Variants in YME1L1 observed in about 807,000 individuals in gnomAD.
YME1L1 encodes ATP-dependent zinc metalloprotease YME1L1.
Under a neutral mutation model 90.4 loss-of-function variants are expected in YME1L1, and 39 were observed. The ratio of observed to expected loss-of-function variants is 0.43; its 90% CI spans 0.33 to 0.56. The LOEUF (loss-of-function observed/expected upper bound fraction) is 0.56. Ranked by LOEUF, YME1L1 falls within the 20% of genes least tolerant of loss-of-function variation. The probability of loss-of-function intolerance (pLI) is 0.03; values close to 1 mark genes in which losing one functional copy is unlikely to be tolerated. For missense variants in YME1L1, 617 were observed against 868.4 expected (o/e 0.71, Z 3.64); for synonymous variants, 284 against 287.3 (o/e 0.99, Z 0.12).
intron 9 of YME1L1, among the ~76,000 whole-genome samples, chr10:27,125,441 G>C (rs930972080): frequency 3.0e-5 from 2 of 66,784 alleles, no homozygotes; most frequent in Non-Finnish European, 5.4e-5. Context: ...CTAAGGAATT[G>C]TTTCATTGTT....
At chr10:27,130,105 T>G (rs1159447628) in intron 8 of YME1L1, among the ~76,000 whole-genome samples, 1 of 152,214 alleles carries the variant, frequency 6.6e-6, no homozygotes, top group East Asian at 1.9e-4. Context: ...CCACTAACAT[T>G]GCTCTTTATC....
At chr10:27,114,854 C>T (rs1422064114) in intron 17 of YME1L1, among the ~76,000 whole-genome samples, 2 of 151,994 alleles carry the variant, frequency 1.3e-5, no homozygotes, top group African/African-American at 4.8e-5. Flanking sequence ...CGGAGAAACG[C>T]CATTTCTTCT....
chr10:27,149,362 T>C (rs1452747660), intron 1 of YME1L1, among the ~76,000 whole-genome samples: 1 of 152,038 alleles, frequency 6.6e-6, no homozygotes, highest in Non-Finnish European at 1.5e-5. Flanking sequence ...CATCGAAACA[T>C]TTAAAAAATA....
Position 27,123,537 on chromosome 10 carries a change from CA to C in YME1L1, c.1102+9del, listed in dbSNP as rs749240227. On this transcript the variant is annotated intron_variant, in intron 10 of 18. Coordinates refer to ENST00000376016, the MANE Select transcript of YME1L1 (RefSeq NM_014263.4). Reference sequence around the variant, plus strand: ...ATTTAGCACTGCATCAAAGATACACCAAAACGTACTAAAAAGATTTCTGATA... The same window carrying C: ...ATTTAGCACTGCATCAAAGATACACCAAACGTACTAAAAAGATTTCTGATA... 4 of 1,612,920 alleles carry C rather than the reference CA, an allele frequency of 2.5e-6. No individual in the cohort carries two copies. The African/African-American group carries it at 5.3e-5, about 22-fold the overall frequency.
chr10:27,149,456 C>T (rs1473410232), intron 1 of YME1L1, among the ~76,000 whole-genome samples: 3 of 151,868 alleles, frequency 2.0e-5, no homozygotes, highest in Middle Eastern at 3.2e-3. Context: ...ACGCCTGTAA[C>T]CCCAGCACTT....
intron 3 of YME1L1, among the ~76,000 whole-genome samples, chr10:27,144,680 G>A (rs998404920): frequency 1.3e-5 from 2 of 152,116 alleles, no homozygotes; most frequent in Non-Finnish European, 2.9e-5. Flanking sequence ...GGAATTAAAT[G>A]TGTGTCACCT....
chr10:27,113,888 AG>A (rs1324117141), intron 18 of YME1L1, among the ~76,000 whole-genome samples: 2 of 151,032 alleles, frequency 1.3e-5, no homozygotes, highest in African/African-American at 2.4e-5. Flanking sequence ...CTTATTTCTT[AG>A]GTTGCAGTGA....
Position 27,116,085 on chromosome 10 carries a change from A to C in YME1L1, c.1895T>G (p.Val632Gly). Residue 632 changes from valine to glycine, a missense_variant, in exon 17 of 19, where the codon GTT becomes GGT. This residue lies in a region of YME1L1 where 212 missense variants were observed against 330.0 expected (regional missense o/e 0.64). Coordinates refer to ENST00000376016, the MANE Select transcript of YME1L1 (RefSeq NM_014263.4). ...CTTTTCACTCATTCCAAATTTGGTA[A>C]CCATCCGCTTTGCTATTTTAGTGGC... Reference protein sequence around the residue: ...DNATKIAKRMVTKFGMSEKLG... With the variant: ...DNATKIAKRMGTKFGMSEKLG... The C allele has an allele frequency of 6.2e-7, 1 of 1,613,840 alleles. No homozygotes were observed. Among genetic ancestry groups the C allele is most frequent in the Non-Finnish European group, 8.5e-7 (1 of 1,179,960 alleles).
intron 2 of YME1L1, chr10:27,147,518 G>C (rs753883220): frequency 6.2e-7 from 1 of 1,608,850 alleles, no homozygotes; most frequent in South Asian, 1.1e-5. Context: ...AGGGAGAAGG[G>C]TTCTGGACGG....
intron 3 of YME1L1, among the ~76,000 whole-genome samples, chr10:27,144,007 A>G (rs1207242978): frequency 6.6e-6 from 1 of 152,162 alleles, no homozygotes; most frequent in African/African-American, 2.4e-5. Flanking sequence ...AGCAGAAACA[A>G]ACAGTGGCTA....
In YME1L1 at chr10:27,145,579, G is replaced by A. The variant is rs1210487720; in HGVS notation, c.180C>T (p.Asn60=). The A allele has an allele frequency of 3.7e-6, 6 of 1,612,416 alleles. No individual in the cohort carries two copies. Among genetic ancestry groups the A allele is most frequent in the East Asian group, 2.2e-5 (1 of 44,758 alleles). The change falls in exon 3 of 19, where the codon AAC becomes AAT. Residue 60 remains asparagine, a synonymous_variant. Transcript: ENST00000376016. ...HEAPSSEPSL[N]LRDLGLSELK... ...GTTCAGATAATCCAAGGTCCCTTAAGTTAAGTGAAGGCTGTAAAAGATTGG... is the reference window on the plus strand; with the variant it reads ...GTTCAGATAATCCAAGGTCCCTTAAATTAAGTGAAGGCTGTAAAAGATTGG...
chr10:27,129,706 GA>G (rs988542893), intron 8 of YME1L1, among the ~76,000 whole-genome samples: 82 of 132,188 alleles, frequency 6.2e-4, no homozygotes, highest in African/African-American at 2.4e-3. Context: ...TTCACATTTG[GA>G]AAAGATAAAA....
At chr10:27,145,064 C>A (rs12772181) in intron 3 of YME1L1, among the ~76,000 whole-genome samples, 1 of 152,060 alleles carries the variant, frequency 6.6e-6, no homozygotes, top group African/African-American at 2.4e-5. Flanking sequence ...TGGTGTGAAC[C>A]CGGGAGGCGG....
At chr10:27,114,436 G>T in intron 18 of YME1L1, 85 bp downstream of exon 18, 1 of 948,384 alleles carries the variant, frequency 1.1e-6, no homozygotes, top group Admixed American at 2.6e-5. Context: ...GTGAACAGAG[G>T]GCCTTCAGCT....
chr10:27,144,855 A>G (rs1222531046), intron 3 of YME1L1, among the ~76,000 whole-genome samples: 1 of 152,194 alleles, frequency 6.6e-6, no homozygotes, highest in Non-Finnish European at 1.5e-5. Context: ...TAAGGTACCA[A>G]TGTTAGGCCT....
At chr10:27,149,711 CAAAAAA>C (rs58900380) in intron 1 of YME1L1, among the ~76,000 whole-genome samples, 5,947 of 32,540 alleles carry the variant, frequency 0.18, 262 homozygotes, top group Admixed American at 0.28. Context: ...ACCTGTCTCT[CAAAAAA>C]AAAAAAAAAA....
chr10:27,126,798 C>T lies in YME1L1; in HGVS notation c.859-12G>A. 1 of 1,507,614 alleles carries T rather than the reference C, an allele frequency of 6.6e-7. No homozygotes were observed. The highest frequency in any genetic ancestry group is 9.0e-7 in the Non-Finnish European group (1 of 1,107,760). The allele number at this position is 1,507,614 out of a possible 1,614,324, so 93.4% of individuals were successfully genotyped here. ...TTAGCTTCCTCCACCTAAAGTGACA[C>T]AATTTTCCAAATAACTTTAGATAAT... On this transcript the variant is annotated splice_polypyrimidine_tract_variant and intron_variant, in intron 8 of 18. Transcript: ENST00000376016.
At chr10:27,139,922 T>C (rs1204839776) in intron 4 of YME1L1, among the ~76,000 whole-genome samples, 2 of 152,240 alleles carry the variant, frequency 1.3e-5, no homozygotes. Flanking sequence ...TATTTCCACC[T>C]ATTATTTTAA....
In YME1L1 at chr10:27,123,536, C is replaced by G. The variant is rs1392653528; in HGVS notation, c.1102+11G>C. 2.5e-6 allele frequency: 4 copies of G among 1,613,246 alleles called. No homozygotes were observed. Among genetic ancestry groups the G allele is most frequent in the African/African-American group, 1.3e-5 (1 of 74,964 alleles). On this transcript the variant is annotated intron_variant, in intron 10 of 18. Transcript: ENST00000376016. Reference sequence around the variant, plus strand: ...AATTTAGCACTGCATCAAAGATACACCAAAACGTACTAAAAAGATTTCTGA... The same window carrying G: ...AATTTAGCACTGCATCAAAGATACAGCAAAACGTACTAAAAAGATTTCTGA...
Sources: allele counts gnomAD v4.1 joint callset (sites outside exome capture counted in the v4.1 genomes callset), GRCh38; gene constraint gnomAD v4.1.1; regional missense constraint gnomAD v4.1.1; transcripts MANE v1.5; gene names NCBI Gene and HGNC (gene_info 2026-07-23, HGNC 2026-07-21).